The following DENND1B variants were observed in gnomAD, a reference collection of about 807,000 sequenced individuals.
DENND1B encodes DENN domain containing 1B, also known as DENN domain-containing protein 1B.
Under a neutral mutation model 90.1 loss-of-function variants are expected in DENND1B, and 59 were observed. The ratio of observed to expected loss-of-function variants is 0.65; its 90% CI spans 0.53 to 0.81. The LOEUF is 0.81. DENND1B is among the 40% of genes least tolerant of loss of function. DENND1B has a pLI of 0.00. For missense variants in DENND1B, 862 were observed against 912.6 expected (o/e 0.94, Z 0.71); for synonymous variants, 337 against 324.6 (o/e 1.04, Z -0.41).
chr1:197,676,087 A>AAAAAAAC (rs1322110202), intron 3 of DENND1B, among the ~76,000 whole-genome samples: 1 of 150,956 alleles, frequency 6.6e-6, no homozygotes, highest in East Asian at 2.0e-4. Flanking sequence ...ATAGACAAAA[A>AAAAAAAC]AAAAAAAAAA....
intron 14 of DENND1B, among the ~76,000 whole-genome samples, chr1:197,591,496 T>C (rs868207235): frequency 1.4e-4 from 21 of 152,248 alleles, no homozygotes; most frequent in Middle Eastern, 3.4e-3. Context: ...TCCCTTTCAG[T>C]ACAATATATT....
At chr1:197,735,251 G>T (rs1662533392) in intron 2 of DENND1B, 11 of 1,121,778 alleles carry the variant, frequency 9.8e-6, no homozygotes, top group Non-Finnish European at 1.1e-5. Context: ...AATGATTACA[G>T]TACCAAATAC....
intron 9 of DENND1B, 66 bp downstream of exon 9, chr1:197,645,624 C>A: frequency 1.0e-6 from 1 of 979,302 alleles, no homozygotes; most frequent in Admixed American, 3.1e-5. Context: ...AACGCATAAA[C>A]AGTGAGACCA....
chr1:197,645,793 A>G, intron 8 of DENND1B, 50 bp from the exon 9 acceptor site: 1 of 1,251,596 alleles, frequency 8.0e-7, no homozygotes. Flanking sequence ...AAAACTGGTA[A>G]CATATAATTT....
At chr1:197,697,246 C>A (rs570471007) in intron 3 of DENND1B, among the ~76,000 whole-genome samples, 2 of 151,650 alleles carry the variant, frequency 1.3e-5, no homozygotes, top group African/African-American at 4.8e-5. Context: ...TCACTGATAG[C>A]AGGGGATTTT....
intron 15 of DENND1B, among the ~76,000 whole-genome samples, chr1:197,562,136 T>G (rs1212165169): frequency 6.6e-6 from 1 of 151,956 alleles, no homozygotes; most frequent in Non-Finnish European, 1.5e-5. Context: ...TTCTGATCTT[T>G]GAAGATCAAC....
At chr1:197,674,283 G>A in intron 3 of DENND1B, 114 bp from the exon 4 acceptor site, 3 of 718,648 alleles carry the variant, frequency 4.2e-6, no homozygotes, top group Non-Finnish European at 7.0e-6. Context: ...TTGTCCTTAA[G>A]AAAAATAGCA....
chr1:197,773,621 T>C (rs776380411), intron 1 of DENND1B, among the ~76,000 whole-genome samples: 5 of 152,368 alleles, frequency 3.3e-5, no homozygotes, highest in Non-Finnish European at 5.9e-5. Flanking sequence ...TCTGCTTCCA[T>C]GTTAGATTTT....
chr1:197,753,573 T>G (rs1241940619), intron 2 of DENND1B, among the ~76,000 whole-genome samples: 2 of 152,100 alleles, frequency 1.3e-5, no homozygotes, highest in Non-Finnish European at 2.9e-5. Flanking sequence ...CAATGTAGAT[T>G]CATTGCTTGT....
At chr1:197,681,275 A>T (rs922568993) in intron 3 of DENND1B, among the ~76,000 whole-genome samples, 8 of 152,148 alleles carry the variant, frequency 5.3e-5, no homozygotes, top group African/African-American at 2.4e-5. Context: ...TATCTAACCA[A>T]ACACAATAGA....
chr1:197,631,640 T>C (rs538314659), intron 10 of DENND1B, among the ~76,000 whole-genome samples: 6 of 151,856 alleles, frequency 4.0e-5, no homozygotes, highest in African/African-American at 1.2e-4. Context: ...ACAATCACAA[T>C]GGCAGAACAA....
chr1:197,559,053 G>A (rs1239061872), intron 15 of DENND1B, among the ~76,000 whole-genome samples: 1 of 151,932 alleles, frequency 6.6e-6, no homozygotes, highest in Non-Finnish European at 1.5e-5. Context: ...TGGTAGGAAT[G>A]TATATGTCCT....
chr1:197,658,378 T>A lies in DENND1B; in HGVS notation c.297-9A>T, dbSNP rs376398482. On this transcript the variant is annotated splice_polypyrimidine_tract_variant and intron_variant, in intron 5 of 22. Coordinates refer to ENST00000620048, the MANE Select transcript of DENND1B (RefSeq NM_001195215.2). The stretch of plus-strand genomic sequence containing the variant: ...CAAACCAGGGAAGGTAACTGTAAAA[T>A]AATTATTTTAAAATGTATATACATA... 6.4e-7 allele frequency: 1 copy of A among 1,552,440 alleles called. No homozygotes were observed. The highest frequency in any genetic ancestry group is 1.7e-5 in the Admixed American group (1 of 58,782).
intron 15 of DENND1B, among the ~76,000 whole-genome samples, chr1:197,560,370 G>C (rs994508725): frequency 6.6e-6 from 1 of 151,866 alleles, no homozygotes; most frequent in Non-Finnish European, 1.5e-5. Flanking sequence ...TAGGGGAAGA[G>C]AGTTTTAGCA....
chr1:197,562,176 A>G (rs892215717), intron 15 of DENND1B, among the ~76,000 whole-genome samples: 55 of 151,920 alleles, frequency 3.6e-4, no homozygotes, highest in African/African-American at 1.1e-3. Flanking sequence ...TTGTTATTAG[A>G]AATAAAAGTT....
chr1:197,751,926 GAAGA>G (rs1225062516), intron 2 of DENND1B, among the ~76,000 whole-genome samples: 2 of 144,376 alleles, frequency 1.4e-5, no homozygotes, highest in Non-Finnish European at 3.1e-5. Context: ...AAAAGAAGGA[GAAGA>G]AAGAGAAGAA....
At chr1:197,670,735 C>A (rs762337633) in intron 5 of DENND1B, among the ~76,000 whole-genome samples, 2 of 151,924 alleles carry the variant, frequency 1.3e-5, no homozygotes, top group Non-Finnish European at 2.9e-5. Flanking sequence ...CCCCTTTAAA[C>A]TGTAGCTTTT....
intron 2 of DENND1B, among the ~76,000 whole-genome samples, chr1:197,726,510 C>T (rs537525963): frequency 6.6e-6 from 1 of 152,296 alleles, no homozygotes; most frequent in South Asian, 2.1e-4. Flanking sequence ...GTGAATATCA[C>T]TGTCAGCACC....
chr1:197,535,643 T>C (rs1669821769), intron 20 of DENND1B, among the ~76,000 whole-genome samples: 1 of 152,196 alleles, frequency 6.6e-6, no homozygotes, highest in African/African-American at 2.4e-5. Flanking sequence ...TCAGAAACAG[T>C]AGACATCTTG....
Sources: allele counts gnomAD v4.1 joint callset (sites outside exome capture counted in the v4.1 genomes callset), GRCh38; gene constraint gnomAD v4.1.1; transcripts MANE v1.5; gene names NCBI Gene and HGNC (gene_info 2026-07-23, HGNC 2026-07-21).